NRXN3: variants seen among roughly 807,000 people sequenced by gnomAD.
The protein encoded by NRXN3 is neurexin III.
A neutral mutation model predicts 137.6 loss-of-function variants in NRXN3; 32 were observed. That is an observed-to-expected ratio of 0.23 (90% confidence interval 0.18 to 0.31). The LOEUF (loss-of-function observed/expected upper bound fraction) is 0.31, where lower values mean the gene tolerates loss of function less well. NRXN3 is among the 10% of genes least tolerant of loss of function. The pLI is 1.00. For synonymous variants in NRXN3, 798 were observed against 784.5 expected (o/e 1.02, Z -0.29); for missense variants, 1,574 against 2,062.5 (o/e 0.76, Z 4.59).
intron 16 of NRXN3, among the ~76,000 whole-genome samples, chr14:79,537,673 T>C (rs2153729343): frequency 6.6e-6 from 1 of 152,330 alleles, no homozygotes; most frequent in East Asian, 1.9e-4. Context: ...TGCCACATTT[T>C]CTTAATCCAG....
chr14:79,032,604 A>G (rs2099609904), intron 15 of NRXN3, among the ~76,000 whole-genome samples: 1 of 152,176 alleles, frequency 6.6e-6, no homozygotes, highest in South Asian at 2.1e-4. Flanking sequence ...TCCACTCACT[A>G]GGGCTAAGCC....
intron 16 of NRXN3, among the ~76,000 whole-genome samples, chr14:79,496,251 A>G (rs2096766245): frequency 6.9e-6 from 1 of 145,546 alleles, no homozygotes; most frequent in African/African-American, 2.7e-5. Context: ...ACACACACAC[A>G]CACAGACACA....
chr14:79,154,017 T>A (rs2060029212), intron 15 of NRXN3, among the ~76,000 whole-genome samples: 1 of 151,966 alleles, frequency 6.6e-6, no homozygotes, highest in South Asian at 2.1e-4. Context: ...GCGAAGAGCA[T>A]GGAACTCGCC....
intron 4 of NRXN3, among the ~76,000 whole-genome samples, chr14:78,348,892 C>T (rs1458326487): frequency 2.0e-5 from 3 of 152,222 alleles, no homozygotes; most frequent in South Asian, 2.1e-4. Context: ...TTGTGGCAGA[C>T]CCCAAGTGCT....
chr14:78,811,151 A>G lies in NRXN3; in HGVS notation c.2275+807A>G, dbSNP rs190619426. ...TATGCTTTGAGTACTATAGCATATT[A>G]TATTAGGCTTATTAATACTAACTAC... On this transcript the variant is annotated intron_variant, in intron 10 of 20. Coordinates refer to ENST00000335750, the MANE Select transcript of NRXN3 (RefSeq NM_001330195.2). Among the ~76,000 whole-genome samples the G allele has an allele frequency of 1.9e-3, 290 of 152,368 alleles. 1 individual carries two copies. The highest frequency in any genetic ancestry group is 3.2e-3 in the Non-Finnish European group (221 of 68,034).
chr14:79,161,009 C>T (rs1264118079), intron 15 of NRXN3, among the ~76,000 whole-genome samples: 1 of 151,954 alleles, frequency 6.6e-6, no homozygotes, highest in Admixed American at 6.6e-5. Flanking sequence ...TGCAAGGGAA[C>T]TTCTCTTACG....
At chr14:78,175,079 CT>C (rs548507505) in intron 1 of NRXN3, among the ~76,000 whole-genome samples, 107 of 152,326 alleles carry the variant, frequency 7.0e-4, no homozygotes, top group African/African-American at 2.2e-3. Context: ...CTGTTTTCTC[CT>C]GGGCTCTGGC....
At chr14:78,945,144 C>A (rs975394186) in intron 10 of NRXN3, among the ~76,000 whole-genome samples, 3 of 152,146 alleles carry the variant, frequency 2.0e-5, no homozygotes, top group Non-Finnish European at 2.9e-5. Context: ...AGAACCAGAT[C>A]GCTTCCAAAC....
rs116159097 is a variant in NRXN3, at chr14:79,105,674, G to A, written c.3262+117533G>A. Among the ~76,000 whole-genome samples the A allele has an allele frequency of 3.3e-3, 509 of 152,172 alleles. 3 individuals are homozygous for A. The highest frequency in any genetic ancestry group is 0.012 in the African/African-American group (496 of 41,524). Reference sequence around the variant, plus strand: ...ATAAGCCTTCTCTGAAGTATTGAGGGAAAGTCTGCTAAACGGCTAAACTAC... The same window carrying A: ...ATAAGCCTTCTCTGAAGTATTGAGGAAAAGTCTGCTAAACGGCTAAACTAC... On this transcript the variant is annotated intron_variant, in intron 15 of 20. Transcript: ENST00000335750.
intron 5 of NRXN3, chr14:78,649,329 T>A (rs571291927): frequency 1.2e-4 from 152 of 1,311,916 alleles, no homozygotes; most frequent in Non-Finnish European, 1.4e-4. Flanking sequence ...ATCATTCTTA[T>A]TGTCTCTTTT....
chr14:78,919,707 A>G (rs2099265877), intron 10 of NRXN3, among the ~76,000 whole-genome samples: 1 of 152,180 alleles, frequency 6.6e-6, no homozygotes, highest in East Asian at 1.9e-4. Flanking sequence ...TGACTTGTTC[A>G]AAGTCATATA....
At chr14:78,995,279 C>G (rs760139802) in intron 15 of NRXN3, among the ~76,000 whole-genome samples, 10 of 152,126 alleles carry the variant, frequency 6.6e-5, no homozygotes, top group Admixed American at 2.0e-4. Context: ...ATGTCTTTAG[C>G]CATTATAGAA....
intron 4 of NRXN3, among the ~76,000 whole-genome samples, chr14:78,428,732 T>A (rs2093756571): frequency 6.6e-6 from 1 of 152,172 alleles, no homozygotes; most frequent in Non-Finnish European, 1.5e-5. Flanking sequence ...GAAGAGCCAG[T>A]GTTTCAGTTC....
intron 15 of NRXN3, among the ~76,000 whole-genome samples, chr14:79,037,393 T>C (rs1196292922): frequency 6.6e-6 from 1 of 152,144 alleles, no homozygotes; most frequent in Admixed American, 6.6e-5. Flanking sequence ...TTTGTTATCA[T>C]GGTGTATGAC....
At chr14:79,365,091 G>A (rs1489686017) in intron 15 of NRXN3, among the ~76,000 whole-genome samples, 1 of 152,072 alleles carries the variant, frequency 6.6e-6, no homozygotes, top group African/African-American at 2.4e-5. Context: ...TATATAAAAA[G>A]GAAATGATCA....
At chr14:78,682,400 CT>C (rs11387931) in intron 6 of NRXN3, among the ~76,000 whole-genome samples, 27 of 146,110 alleles carry the variant, frequency 1.8e-4, no homozygotes, top group Middle Eastern at 3.5e-3. Context: ...ACATCTGATA[CT>C]TTTTTTTTTT....
chr14:78,224,874 C>A (rs2064329062), intron 1 of NRXN3, among the ~76,000 whole-genome samples: 1 of 142,374 alleles, frequency 7.0e-6, no homozygotes. Context: ...TCACGCCATT[C>A]TCCTGCCTCA....
intron 15 of NRXN3, among the ~76,000 whole-genome samples, chr14:79,055,278 ATTGAACACCTACTGTTTGTCAGGAT>A (rs763822664): frequency 1.6e-4 from 24 of 152,210 alleles, no homozygotes; most frequent in Non-Finnish European, 2.9e-4. Context: ...GTTGTTATTC[ATTGAACACCTACTGTTTGTCAGGAT>A]TGGGCAAGTG....
intron 16 of NRXN3, among the ~76,000 whole-genome samples, chr14:79,471,424 C>T (rs929057245): frequency 2.0e-5 from 3 of 152,168 alleles, no homozygotes; most frequent in Non-Finnish European, 4.4e-5. Context: ...GCTTTAAGCT[C>T]CACAGTATTC....
Sources: allele counts gnomAD v4.1 joint callset (sites outside exome capture counted in the v4.1 genomes callset), GRCh38; gene constraint gnomAD v4.1.1; transcripts MANE v1.5; gene names NCBI Gene and HGNC (gene_info 2026-07-23, HGNC 2026-07-21).